The following FRS2 variants were observed in gnomAD, a reference collection of about 807,000 sequenced individuals.
FRS2 encodes FGFR signalling adaptor.
FRS2 carries 8 observed loss-of-function variants against 43.9 expected under a neutral mutation model. That is an observed-to-expected ratio of 0.18 (90% CI 0.11 to 0.33). The LOEUF (loss-of-function observed/expected upper bound fraction) is 0.33. Among genes scored for constraint, FRS2 ranks in the 10% least tolerant of loss-of-function variants. The pLI is 1.00. For missense variants in FRS2, 534 were observed against 627.6 expected, an observed-to-expected ratio of 0.85 and a Z score of 1.59; for synonymous variants, 219 against 220.3, an observed-to-expected ratio of 0.99 and a Z score of 0.05.
At position 69,473,072 on chromosome 12, in the gene FRS2, A is replaced by C. The variant is rs575195039; in HGVS notation, c.-261+2542A>C. ...AGAAGAAAGGGTTCATTTTTAGCTT[A>C]AGTAATGGAAATTTGTGGAGATAGC... On this transcript the variant is annotated intron_variant, in intron 1 of 8. Transcript: ENST00000549921. Among the ~76,000 whole-genome samples, 72 of 152,356 alleles carry C rather than the reference A, an allele frequency of 4.7e-4. 1 individual carries two copies. Among genetic ancestry groups the C allele is most frequent in the Admixed American group, 3.9e-3 (59 of 15,308 alleles).
intron 3 of FRS2, among the ~76,000 whole-genome samples, chr12:69,547,544 A>G (rs1220642502): frequency 1.3e-5 from 2 of 152,218 alleles, no homozygotes; most frequent in African/African-American, 2.4e-5. Context: ...ATAAAAAAGT[A>G]GAAAATGCAA....
At chr12:69,491,505 A>ATTTTTTT (rs35140712) in intron 1 of FRS2, 6 of 81,886 alleles carry the variant, frequency 7.3e-5, no homozygotes, top group Non-Finnish European at 1.1e-4. Flanking sequence ...CGTTTCTTCC[A>ATTTTTTT]TTTTTTTTTT....
At chr12:69,480,096 A>G (rs771883477) in intron 1 of FRS2, among the ~76,000 whole-genome samples, 4 of 152,170 alleles carry the variant, frequency 2.6e-5, no homozygotes, top group African/African-American at 4.8e-5. Context: ...TTTAACTATT[A>G]TGCCCATTTT....
chr12:69,513,317 T>G (rs375558669), intron 1 of FRS2, among the ~76,000 whole-genome samples: 6 of 152,130 alleles, frequency 3.9e-5, no homozygotes, highest in East Asian at 3.8e-4. Flanking sequence ...AAAACTATGC[T>G]TGATTTTGTT....
intron 3 of FRS2, among the ~76,000 whole-genome samples, chr12:69,545,745 G>C (rs2135718605): frequency 8.8e-6 from 1 of 114,218 alleles, no homozygotes; most frequent in South Asian, 3.0e-4. Flanking sequence ...GACAGTGTGA[G>C]ACCCTGTCTC....
At chr12:69,562,047 C>G (rs1879922789) in intron 3 of FRS2, 133 bp from the exon 4 acceptor site, 3 of 387,268 alleles carry the variant, frequency 7.7e-6, no homozygotes, top group Non-Finnish European at 1.4e-5. Flanking sequence ...ATGTTAAATA[C>G]TTTTTATTCA....
intron 1 of FRS2, among the ~76,000 whole-genome samples, chr12:69,507,689 G>A (rs879405729): frequency 2.0e-5 from 3 of 152,062 alleles, no homozygotes; most frequent in African/African-American, 4.8e-5. Flanking sequence ...ATGTTAATTC[G>A]ATTATATTTA....
At chr12:69,539,226 C>G (rs1877638544) in intron 3 of FRS2, among the ~76,000 whole-genome samples, 1 of 152,134 alleles carries the variant, frequency 6.6e-6, no homozygotes. Flanking sequence ...AGGCACACAT[C>G]ACCATGCCTG....
chr12:69,497,342 CAG>C (rs1194300359), intron 1 of FRS2, among the ~76,000 whole-genome samples: 1 of 152,144 alleles, frequency 6.6e-6, no homozygotes, highest in Non-Finnish European at 1.5e-5. Context: ...TTATACATAA[CAG>C]ATTTCTTTCT....
intron 3 of FRS2, among the ~76,000 whole-genome samples, chr12:69,557,627 C>CGCGCGT (rs1555192574): frequency 3.6e-5 from 4 of 109,628 alleles, no homozygotes; most frequent in African/African-American, 1.3e-4. Flanking sequence ...TGTGCGCGCG[C>CGCGCGT]GCGCGCGCGC....
intron 1 of FRS2, among the ~76,000 whole-genome samples, chr12:69,527,343 A>AGTTTTTTTT (rs1876353716): frequency 1.2e-5 from 1 of 84,216 alleles, no homozygotes; most frequent in African/African-American, 5.0e-5. Context: ...TTTTTTAATG[A>AGTTTTTTTT]TTTTTTTTTT....
intron 1 of FRS2, among the ~76,000 whole-genome samples, chr12:69,499,269 A>T (rs1312692874): frequency 6.6e-6 from 1 of 152,308 alleles, no homozygotes; most frequent in East Asian, 1.9e-4. Flanking sequence ...GCAAAGGTCA[A>T]TTTAGAGGAC....
At chr12:69,508,636 A>G (rs986885573) in intron 1 of FRS2, among the ~76,000 whole-genome samples, 1 of 152,248 alleles carries the variant, frequency 6.6e-6, no homozygotes, top group African/African-American at 2.4e-5. Flanking sequence ...TAAAAAGTCA[A>G]ATTGTATTAC....
At chr12:69,526,038 T>C (rs1876189665) in intron 1 of FRS2, among the ~76,000 whole-genome samples, 1 of 152,098 alleles carries the variant, frequency 6.6e-6, no homozygotes. Context: ...TTTGTGTTTT[T>C]AGTAGAGACG....
Position 69,571,367 on chromosome 12 carries a change from G to C in FRS2, c.345G>C (p.Glu115Asp). The change falls in exon 7 of 9, where the codon GAG (glutamate) becomes GAC (aspartate). Residue 115 changes from glutamate (E) to aspartate (D), a missense_variant. By Grantham distance (45) the Glu-to-Asp change is conservative. Around this residue, in one of 3 missense-constraint regions of FRS2, gnomAD observed 446 missense variants for 494.2 expected, o/e 0.90. Transcript: ENST00000549921. Reference protein sequence around the residue: ...MQNNSINVVEEPVVERNNHQT... With the variant: ...MQNNSINVVEDPVVERNNHQT... ...ATAATAGTATAAATGTGGTGGAAGAGCCAGTTGTAGAAAGAAATAATCATC... is the reference window on the plus strand; with the variant it reads ...ATAATAGTATAAATGTGGTGGAAGACCCAGTTGTAGAAAGAAATAATCATC... 5 of 1,612,076 alleles carry C rather than the reference G, an allele frequency of 3.1e-6. No individual in the cohort carries two copies. Among genetic ancestry groups the C allele is most frequent in the Non-Finnish European group, 4.2e-6 (5 of 1,178,434 alleles).
chr12:69,508,952 A>AT (rs1280288102), intron 1 of FRS2, among the ~76,000 whole-genome samples: 1 of 152,120 alleles, frequency 6.6e-6, no homozygotes, highest in Non-Finnish European at 1.5e-5. Flanking sequence ...CTATGCAAAT[A>AT]TTTTTCACAA....
At chr12:69,515,087 C>G (rs1412005660) in intron 1 of FRS2, among the ~76,000 whole-genome samples, 2 of 152,200 alleles carry the variant, frequency 1.3e-5, no homozygotes, top group Admixed American at 1.3e-4. Context: ...AGACCAAGAG[C>G]AGGTAACCTG....
At chr12:69,519,258 T>C (rs1875382899) in intron 1 of FRS2, among the ~76,000 whole-genome samples, 1 of 152,182 alleles carries the variant, frequency 6.6e-6, no homozygotes, top group South Asian at 2.1e-4. Context: ...GCAAACCTGC[T>C]TTAATACCAG....
At chr12:69,545,375 T>A (rs563674575) in intron 3 of FRS2, among the ~76,000 whole-genome samples, 2 of 152,246 alleles carry the variant, frequency 1.3e-5, no homozygotes, top group East Asian at 3.9e-4. Flanking sequence ...CTTCCTGATT[T>A]AAAAACTTAA....
Sources: allele counts gnomAD v4.1 joint callset (sites outside exome capture counted in the v4.1 genomes callset), GRCh38; gene constraint gnomAD v4.1.1; regional missense constraint gnomAD v4.1.1; transcripts MANE v1.5; gene names NCBI Gene and HGNC (gene_info 2026-07-23, HGNC 2026-07-21).